The following ACOXL variants were observed in gnomAD, a reference collection of about 807,000 sequenced individuals.
ACOXL encodes the protein acyl-coenzyme A oxidase-like protein.
A neutral mutation model predicts 71.9 loss-of-function variants in ACOXL; 70 were observed. That is an observed-to-expected ratio of 0.97 (90% CI 0.80 to 1.19). The LOEUF (loss-of-function observed/expected upper bound fraction) is 1.19, where lower values mean the gene tolerates loss of function less well. Ranked by LOEUF, ACOXL falls within the 50% of genes most tolerant of loss-of-function variation. The pLI is 0.00. For synonymous variants in ACOXL, 253 were observed against 281.6 expected (o/e 0.90, Z 1.02); for missense variants, 703 against 736.3 (o/e 0.95, Z 0.52).
At chr2:111,043,459 G>T (rs1452093890) in intron 15 of ACOXL, among the ~76,000 whole-genome samples, 2 of 152,202 alleles carry the variant, frequency 1.3e-5, no homozygotes, top group Non-Finnish European at 2.9e-5. Flanking sequence ...GCTGTCTGGA[G>T]TGGCAGACAG....
chr2:110,868,400 C>T (rs922020806), intron 10 of ACOXL, among the ~76,000 whole-genome samples: 3 of 152,114 alleles, frequency 2.0e-5, no homozygotes, highest in Non-Finnish European at 2.9e-5. Flanking sequence ...ACCTTTTCTT[C>T]TTGGGAAAAG....
chr2:110,935,287 C>T (rs1387002675), intron 12 of ACOXL, among the ~76,000 whole-genome samples: 1 of 152,166 alleles, frequency 6.6e-6, no homozygotes, highest in Non-Finnish European at 1.5e-5. Flanking sequence ...CATTCCCTTT[C>T]TCGCAGTTCA....
rs536777052 is a variant in ACOXL at position 110,828,972 on chromosome 2, C to T, written c.754-12399C>T. 5.3e-5 allele frequency among the ~76,000 whole-genome samples: 8 copies of T among 152,214 alleles called. No individual in the cohort carries two copies. In the South Asian group the frequency reaches 1.7e-3, roughly 32 times the overall value. ...GATTACAGGCATGCACCACCACGTC[C>T]AGCTAATTTTGTATTTTTAGTAGAG... is the stretch of plus-strand genomic sequence containing the variant. On this transcript the variant is annotated intron_variant, in intron 9 of 17. Transcript: ENST00000439055.
rs2070490839 is a variant in ACOXL, at chr2:111,118,357, C to G, written c.*541C>G. 6.5e-6 allele frequency: 1 copy of G among 153,430 alleles called. No individual in the cohort carries two copies. The highest frequency in any genetic ancestry group is 2.0e-4 in the South Asian group (1 of 4,906). 9.5% of individuals were successfully genotyped at this position (153,430 alleles called of 1,614,324 possible). ...CTCTGGGGCTCTGCAAGGAAACGCACGGACTGGGAGAAGGAAGTGGGAGCC... is the reference window on the plus strand; with the variant it reads ...CTCTGGGGCTCTGCAAGGAAACGCAGGGACTGGGAGAAGGAAGTGGGAGCC... On this transcript the variant is annotated 3_prime_UTR_variant, in exon 18 of 18. Coordinates refer to ENST00000439055, the MANE Select transcript of ACOXL (RefSeq NM_001142807.4).
Position 110,794,282 on chromosome 2 carries a change from GC to G in ACOXL, c.345+111del, listed in dbSNP as rs1380257994. 13 of 1,056,438 alleles carry G rather than the reference GC, an allele frequency of 1.2e-5. No individual in the cohort carries two copies. The East Asian group carries it at 2.8e-4, about 23-fold the overall frequency. The allele number at this position is 1,056,438 out of a possible 1,614,324, so 65.4% of individuals were successfully genotyped here. A position where few individuals can be genotyped will look rare whatever the true frequency, so the allele number is the denominator to read the frequency against. On this transcript the variant is annotated intron_variant, in intron 5 of 17. Transcript: ENST00000439055. The stretch of plus-strand genomic sequence containing the variant: ...TCACACCCTCTGTGTGTGCTCTCTG[GC>G]CCAGGGAGCTGAGATTCAGATCAAA...
intron 15 of ACOXL, among the ~76,000 whole-genome samples, chr2:111,040,249 T>C (rs569929360): frequency 1.3e-5 from 2 of 152,298 alleles, no homozygotes; most frequent in East Asian, 3.9e-4. Context: ...TCCTATGGAA[T>C]AGAATCACAA....
chr2:110,798,538 C>T, intron 5 of ACOXL, 72 bp from the exon 6 acceptor site: 2 of 1,255,988 alleles, frequency 1.6e-6, no homozygotes, highest in Non-Finnish European at 2.3e-6. Context: ...TTACAGTATT[C>T]ATTGCTTTGA....
At chr2:110,986,224 AAACAT>A (rs773479497) in intron 12 of ACOXL, among the ~76,000 whole-genome samples, 7 of 152,280 alleles carry the variant, frequency 4.6e-5, no homozygotes, top group African/African-American at 7.2e-5. Context: ...GAGTTAAAGC[AAACAT>A]AACATTTTAT....
intron 10 of ACOXL, among the ~76,000 whole-genome samples, chr2:110,849,362 T>G (rs902303376): frequency 1.3e-5 from 2 of 152,198 alleles, no homozygotes; most frequent in Non-Finnish European, 2.9e-5. Context: ...GACTAAGACA[T>G]CCACATGAAA....
chr2:111,010,783 A>G (rs2064113250), intron 14 of ACOXL, among the ~76,000 whole-genome samples: 1 of 152,206 alleles, frequency 6.6e-6, no homozygotes. Context: ...GACAATAGAA[A>G]GATATCTTTA....
intron 14 of ACOXL, among the ~76,000 whole-genome samples, chr2:111,015,306 A>C (rs2064374853): frequency 6.6e-6 from 1 of 152,258 alleles, no homozygotes; most frequent in South Asian, 2.1e-4. Flanking sequence ...TTGCACAAAA[A>C]GCTTTAAAAG....
intron 9 of ACOXL, among the ~76,000 whole-genome samples, chr2:110,812,003 G>A (rs1368190589): frequency 6.6e-6 from 1 of 152,202 alleles, no homozygotes; most frequent in Non-Finnish European, 1.5e-5. Flanking sequence ...TATGTAAGAA[G>A]TGGGGAGGTT....
At chr2:110,807,973 T>A (rs1000918471) in intron 9 of ACOXL, among the ~76,000 whole-genome samples, 8 of 152,152 alleles carry the variant, frequency 5.3e-5, no homozygotes, top group African/African-American at 1.9e-4. Context: ...ATATTTTTCA[T>A]GGTTCTCTTT....
chr2:111,014,684 T>C (rs1229935721), intron 14 of ACOXL, among the ~76,000 whole-genome samples: 9 of 152,284 alleles, frequency 5.9e-5, no homozygotes, highest in East Asian at 5.8e-4. Context: ...TCAAAAAACA[T>C]TGAAGAAATG....
intron 10 of ACOXL, among the ~76,000 whole-genome samples, chr2:110,867,036 G>T (rs548960003): frequency 6.6e-6 from 1 of 152,294 alleles, no homozygotes; most frequent in Non-Finnish European, 1.5e-5. Flanking sequence ...TGCAGACCTT[G>T]GTCTGGCCTT....
rs879250507 is a variant in ACOXL at position 111,117,827 on chromosome 2, G to A, written c.*11G>A. 3.9e-6 allele frequency: 6 copies of A among 1,542,938 alleles called. No individual in the cohort carries two copies. The South Asian group carries it at 7.1e-5, about 18-fold the overall frequency. On this transcript the variant is annotated 3_prime_UTR_variant, in exon 18 of 18. Transcript: ENST00000439055. Reference sequence around the variant, plus strand: ...GGAGCCAAGCTCTAACGGGTGTGGCGGGAAGTGTGGTGGCCCGCCAGCAGC... The same window carrying A: ...GGAGCCAAGCTCTAACGGGTGTGGCAGGAAGTGTGGTGGCCCGCCAGCAGC...
intron 12 of ACOXL, among the ~76,000 whole-genome samples, chr2:110,948,234 C>G (rs558958878): frequency 6.6e-6 from 1 of 152,342 alleles, no homozygotes; most frequent in African/African-American, 2.4e-5. Flanking sequence ...TCACGTTAGA[C>G]GCAGAGCTGC....
intron 17 of ACOXL, among the ~76,000 whole-genome samples, chr2:111,105,043 G>T (rs1207731220): frequency 6.6e-6 from 1 of 151,866 alleles, no homozygotes; most frequent in African/African-American, 2.4e-5. Flanking sequence ...TTGCTTGTTG[G>T]TTTTTTTGTG....
At chr2:110,985,218 C>G (rs1240838625) in intron 12 of ACOXL, among the ~76,000 whole-genome samples, 1 of 152,168 alleles carries the variant, frequency 6.6e-6, no homozygotes, top group Non-Finnish European at 1.5e-5. Context: ...ATTTTCCCCA[C>G]TTTTCCAGAT....
Sources: gnomAD v4.1 joint callset for allele counts (sites outside exome capture counted in the v4.1 genomes callset) on GRCh38, gnomAD v4.1.1 for gene constraint, MANE v1.5 for transcripts, NCBI Gene and HGNC (gene_info 2026-07-23, HGNC 2026-07-21) for gene names.